The following KIF6 variants were observed in gnomAD, a reference collection of about 807,000 sequenced individuals.
The protein encoded by KIF6 is kinesin-like protein KIF6.
Under a neutral mutation model 112.7 loss-of-function variants are expected in KIF6, and 106 were observed. That is an observed-to-expected ratio of 0.94 (90% confidence interval 0.80 to 1.11). The LOEUF (loss-of-function observed/expected upper bound fraction) is 1.11, where lower values mean the gene tolerates loss of function less well. Ranked by LOEUF, KIF6 falls within the 50% of genes least tolerant of loss-of-function variation. KIF6 has a pLI of 0.00. For synonymous variants in KIF6, 339 were observed against 339.9 expected (o/e 1.00, Z 0.03); for missense variants, 929 against 964.0 (o/e 0.96, Z 0.48).
intron 13 of KIF6, among the ~76,000 whole-genome samples, chr6:39,460,053 T>A (rs1297436922): frequency 2.0e-5 from 3 of 148,450 alleles, no homozygotes; most frequent in Non-Finnish European, 4.5e-5. Flanking sequence ...TAAATCATGC[T>A]GCTATAAAGA....
At chr6:39,431,017 C>A in intron 14 of KIF6, 36 bp downstream of exon 14, 1 of 1,355,274 alleles carries the variant, frequency 7.4e-7, no homozygotes, top group Non-Finnish European at 1.1e-6. Context: ...CCTGGCTGAG[C>A]CTCGGAGGAC....
intron 17 of KIF6, 105 bp downstream of exon 17, chr6:39,362,329 G>C (rs1444941814): frequency 2.4e-6 from 2 of 849,636 alleles, no homozygotes; most frequent in East Asian, 4.9e-5. Context: ...GGATCCAGCT[G>C]CTGGACCCAC....
chr6:39,491,236 T>C (rs1775465833), intron 13 of KIF6, among the ~76,000 whole-genome samples: 1 of 152,020 alleles, frequency 6.6e-6, no homozygotes, highest in East Asian at 1.9e-4. Flanking sequence ...AAATAAGCAA[T>C]CTGGCTGCTT....
intron 13 of KIF6, among the ~76,000 whole-genome samples, chr6:39,475,642 C>T (rs536924895): frequency 1.2e-4 from 18 of 152,300 alleles, no homozygotes; most frequent in Non-Finnish European, 2.4e-4. Context: ...GCTGTTGCTC[C>T]TGACTCAGTC....
chr6:39,662,489 A>T (rs1015583442), intron 3 of KIF6, among the ~76,000 whole-genome samples: 1 of 152,244 alleles, frequency 6.6e-6, no homozygotes, highest in African/African-American at 2.4e-5. Flanking sequence ...GTAACAAATG[A>T]AAGAGACTAT....
At chr6:39,625,539 T>C (rs1374286638) in intron 5 of KIF6, among the ~76,000 whole-genome samples, 1 of 152,152 alleles carries the variant, frequency 6.6e-6, no homozygotes, top group Non-Finnish European at 1.5e-5. Context: ...GAGGCTGCCA[T>C]TCCAGCTGTG....
intron 13 of KIF6, among the ~76,000 whole-genome samples, chr6:39,460,822 C>T (rs1773430135): frequency 6.6e-6 from 1 of 152,092 alleles, no homozygotes; most frequent in Non-Finnish European, 1.5e-5. Flanking sequence ...ATCTTTACCC[C>T]AGGTACATAA....
intron 10 of KIF6, among the ~76,000 whole-genome samples, chr6:39,551,968 G>A (rs999481852): frequency 1.3e-5 from 2 of 152,152 alleles, no homozygotes; most frequent in Non-Finnish European, 2.9e-5. Flanking sequence ...TATAGGAATC[G>A]GCTATGAGAC....
intron 3 of KIF6, among the ~76,000 whole-genome samples, chr6:39,700,374 G>A (rs963924875): frequency 3.3e-5 from 5 of 152,116 alleles, no homozygotes; most frequent in South Asian, 2.1e-4. Flanking sequence ...AAATTACTTC[G>A]AAATGTAAGT....
At chr6:39,362,978 GTC>G (rs1357013744) in intron 16 of KIF6, among the ~76,000 whole-genome samples, 1 of 152,012 alleles carries the variant, frequency 6.6e-6, no homozygotes, top group African/African-American at 2.4e-5. Context: ...GTCAAACCCC[GTC>G]TCTACTAAAA....
At chr6:39,713,542 C>G (rs1296878124) in intron 3 of KIF6, among the ~76,000 whole-genome samples, 1 of 152,050 alleles carries the variant, frequency 6.6e-6, no homozygotes, top group Non-Finnish European at 1.5e-5. Context: ...CCCAGGCATC[C>G]ATGAAAAAGA....
chr6:39,375,572 C>A (rs187706086), intron 16 of KIF6, among the ~76,000 whole-genome samples: 1 of 152,140 alleles, frequency 6.6e-6, no homozygotes, highest in Non-Finnish European at 1.5e-5. Context: ...GCTGGGACAT[C>A]GATCTCCTGC....
intron 10 of KIF6, among the ~76,000 whole-genome samples, chr6:39,570,369 T>C (rs1180755624): frequency 2.0e-5 from 3 of 152,122 alleles, no homozygotes; most frequent in Non-Finnish European, 2.9e-5. Flanking sequence ...ACCTGTTAGG[T>C]AGGAGCTCCT....
chr6:39,380,988 A>G (rs1174596249), intron 16 of KIF6, among the ~76,000 whole-genome samples: 2 of 152,178 alleles, frequency 1.3e-5, no homozygotes, highest in Admixed American at 6.5e-5. Context: ...GAGTACTAAC[A>G]GTTTATGCTT....
At position 39,697,537 on chromosome 6, in the gene KIF6, CTTTCT is replaced by C. The variant is rs1196308522; in HGVS notation, c.251+17150_251+17154del. ...ATTAGACTAACCATTTTTCTTTATC[CTTTCT>C]TTTTTTTTTTTTTCTTTTGAGACAG... On this transcript the variant is annotated intron_variant, in intron 3 of 22. Coordinates refer to ENST00000287152, the MANE Select transcript of KIF6 (RefSeq NM_145027.6). 8.3e-5 allele frequency among the ~76,000 whole-genome samples: 5 copies of C among 60,300 alleles called. No individual in the cohort carries two copies. The East Asian group carries it at 3.7e-3, about 45-fold the overall frequency. 39.6% of individuals were successfully genotyped at this position (60,300 alleles called of 152,430 possible).
intron 5 of KIF6, among the ~76,000 whole-genome samples, chr6:39,628,354 C>G (rs551978146): frequency 7.2e-5 from 11 of 151,878 alleles, no homozygotes; most frequent in African/African-American, 2.4e-4. Flanking sequence ...TAATTATATG[C>G]AATTTCCCCA....
chr6:39,653,752 C>T lies in KIF6; in HGVS notation c.252-13995G>A, dbSNP rs11964640. ...CTTCTCCCTAACTTCAGTTAGCTGA[C>T]TGTTAAAGAGGAACAACAGAGGGCT... is the stretch of plus-strand genomic sequence containing the variant. On this transcript the variant is annotated intron_variant, in intron 3 of 22. Transcript: ENST00000287152. Among the ~76,000 whole-genome samples, 294 of 152,236 alleles carry T rather than the reference C, an allele frequency of 1.9e-3. 1 individual carries two copies. The highest frequency in any genetic ancestry group is 6.1e-3 in the African/African-American group (255 of 41,530).
intron 13 of KIF6, among the ~76,000 whole-genome samples, chr6:39,498,367 C>T (rs188798434): frequency 3.5e-4 from 53 of 152,134 alleles, no homozygotes; most frequent in Admixed American, 1.5e-3. Context: ...CAGAGAGTTG[C>T]GGGTGAGGAG....
chr6:39,537,051 T>C (rs556609820), intron 13 of KIF6, among the ~76,000 whole-genome samples: 3,448 of 152,296 alleles, frequency 0.023, 56 homozygotes, highest in Non-Finnish European at 0.033. Context: ...AATTAGGTAT[T>C]GATGGGACGT....
Sources: gnomAD v4.1 joint callset for allele counts (sites outside exome capture counted in the v4.1 genomes callset) on GRCh38, gnomAD v4.1.1 for gene constraint, MANE v1.5 for transcripts, NCBI Gene and HGNC (gene_info 2026-07-23, HGNC 2026-07-21) for gene names.